The following TMEFF2 variants were observed in gnomAD, a reference collection of about 807,000 sequenced individuals.
The protein encoded by TMEFF2 is tomoregulin-2.
A neutral mutation model predicts 53.8 loss-of-function variants in TMEFF2; 28 were observed. The ratio of observed to expected loss-of-function variants is 0.52; its 90% CI spans 0.39 to 0.71. The LOEUF is 0.71. Among genes scored for constraint, TMEFF2 ranks in the 30% least tolerant of loss-of-function variants. The probability of loss-of-function intolerance (pLI) is 0.00; values close to 1 mark genes in which losing one functional copy is unlikely to be tolerated. For missense variants in TMEFF2, 353 were observed against 455.2 expected, an observed-to-expected ratio of 0.78 and a Z score of 2.04; for synonymous variants, 162 against 166.3, an observed-to-expected ratio of 0.97 and a Z score of 0.20.
chr2:191,955,651 A>G (rs1435227037), intron 8 of TMEFF2, among the ~76,000 whole-genome samples: 3 of 148,372 alleles, frequency 2.0e-5, no homozygotes, highest in South Asian at 2.1e-4. Context: ...ATGCCTGGCC[A>G]GTATTTATAT....
At chr2:192,015,391 T>C (rs1191563249) in intron 5 of TMEFF2, among the ~76,000 whole-genome samples, 1 of 147,176 alleles carries the variant, frequency 6.8e-6, no homozygotes, top group Non-Finnish European at 1.5e-5. Context: ...CCAAACTTGG[T>C]CCATTCAGCT....
At chr2:192,081,860 G>A (rs1286735289) in intron 4 of TMEFF2, among the ~76,000 whole-genome samples, 3 of 147,080 alleles carry the variant, frequency 2.0e-5, no homozygotes, top group Non-Finnish European at 4.4e-5. Flanking sequence ...GGAGTGCAGT[G>A]GCGCGATCTC....
intron 4 of TMEFF2, among the ~76,000 whole-genome samples, chr2:192,118,544 T>C (rs1039374137): frequency 6.6e-6 from 1 of 152,164 alleles, no homozygotes; most frequent in Non-Finnish European, 1.5e-5. Context: ...TGATGTGAAG[T>C]GTACAGTAAA....
chr2:192,164,226 T>G (rs1437056582), intron 4 of TMEFF2, among the ~76,000 whole-genome samples: 1 of 152,182 alleles, frequency 6.6e-6, no homozygotes, highest in Non-Finnish European at 1.5e-5. Context: ...GCTCATTCAC[T>G]ATGCTCGGGC....
intron 4 of TMEFF2, among the ~76,000 whole-genome samples, chr2:192,146,702 T>C (rs989556497): frequency 1.4e-5 from 2 of 141,512 alleles, no homozygotes; most frequent in Non-Finnish European, 3.2e-5. Flanking sequence ...CTAACAACTC[T>C]TTTAAATCTA....
chr2:192,053,354 A>G (rs554590272), intron 5 of TMEFF2, among the ~76,000 whole-genome samples: 1 of 152,324 alleles, frequency 6.6e-6, no homozygotes, highest in South Asian at 2.1e-4. Flanking sequence ...TTATTCTAAT[A>G]AAGATTTATC....
At chr2:191,985,278 G>C (rs1372547541) in intron 7 of TMEFF2, among the ~76,000 whole-genome samples, 3 of 152,028 alleles carry the variant, frequency 2.0e-5, no homozygotes, top group African/African-American at 7.2e-5. Flanking sequence ...TTAGGAGCTA[G>C]GTATAGAATT....
intron 4 of TMEFF2, among the ~76,000 whole-genome samples, chr2:192,078,891 A>G (rs1041515578): frequency 2.0e-5 from 3 of 152,198 alleles, no homozygotes; most frequent in Admixed American, 6.5e-5. Context: ...TATTAAATCA[A>G]TATTTCTTTG....
intron 5 of TMEFF2, among the ~76,000 whole-genome samples, chr2:192,004,675 TTATCA>T (rs1686456295): frequency 6.6e-6 from 1 of 152,162 alleles, no homozygotes; most frequent in African/African-American, 2.4e-5. Context: ...AAGGTAGCAA[TTATCA>T]TATAATGTAA....
chr2:192,053,173 T>C (rs973616355), intron 5 of TMEFF2, among the ~76,000 whole-genome samples: 1 of 152,220 alleles, frequency 6.6e-6, no homozygotes, highest in Admixed American at 6.5e-5. Flanking sequence ...GTCATTAGTA[T>C]CATAGTTTGT....
intron 4 of TMEFF2, among the ~76,000 whole-genome samples, chr2:192,086,440 T>C (rs187643694): frequency 1.9e-3 from 290 of 152,322 alleles, no homozygotes; most frequent in South Asian, 9.1e-3. Flanking sequence ...TCCCTGATTA[T>C]GGAAATTGCT....
At chr2:191,964,366 TTCTTTC>T (rs1164619381) in intron 7 of TMEFF2, among the ~76,000 whole-genome samples, 54 of 89,752 alleles carry the variant, frequency 6.0e-4, no homozygotes, top group African/African-American at 1.6e-3. Context: ...CTTTCTTTCT[TTCTTTC>T]TCTTTCTTTC....
intron 4 of TMEFF2, among the ~76,000 whole-genome samples, chr2:192,105,337 T>C (rs910988920): frequency 6.6e-6 from 1 of 152,008 alleles, no homozygotes; most frequent in Non-Finnish European, 1.5e-5. Flanking sequence ...AGCATATCTA[T>C]CAAGTAATGA....
intron 7 of TMEFF2, among the ~76,000 whole-genome samples, chr2:191,984,368 A>T (rs1212906730): frequency 6.6e-6 from 1 of 152,132 alleles, no homozygotes; most frequent in Non-Finnish European, 1.5e-5. Flanking sequence ...GAACCCCAGT[A>T]ACTACATTGG....
intron 4 of TMEFF2, among the ~76,000 whole-genome samples, chr2:192,078,499 G>A (rs925552360): frequency 1.4e-4 from 21 of 152,166 alleles, no homozygotes; most frequent in African/African-American, 4.3e-4. Flanking sequence ...CAGCAATAGA[G>A]AGTAAGAATT....
intron 4 of TMEFF2, among the ~76,000 whole-genome samples, chr2:192,100,781 A>G (rs541970890): frequency 1.3e-5 from 2 of 152,310 alleles, no homozygotes; most frequent in East Asian, 3.9e-4. Context: ...GAAATTTCCA[A>G]GCATCCAGAA....
intron 4 of TMEFF2, among the ~76,000 whole-genome samples, chr2:192,064,815 A>G (rs890184179): frequency 3.3e-5 from 5 of 151,846 alleles, no homozygotes; most frequent in African/African-American, 1.2e-4. Context: ...GACACATTCC[A>G]AAATATGGGC....
At chr2:192,181,893 C>A (rs1032006587) in intron 3 of TMEFF2, among the ~76,000 whole-genome samples, 5 of 151,682 alleles carry the variant, frequency 3.3e-5, no homozygotes, top group Non-Finnish European at 5.9e-5. Flanking sequence ...ATTATGAAAT[C>A]ATTATGGGAG....
chr2:191,971,763 TTC>T (rs200554846), intron 7 of TMEFF2, among the ~76,000 whole-genome samples: 1 of 152,170 alleles, frequency 6.6e-6, no homozygotes, highest in African/African-American at 2.4e-5. Context: ...AATAGACAGT[TTC>T]TCTCTGGAAG....
Sources: gnomAD v4.1 joint callset for allele counts (sites outside exome capture counted in the v4.1 genomes callset) on GRCh38, gnomAD v4.1.1 for gene constraint, MANE v1.5 for transcripts, NCBI Gene and HGNC (gene_info 2026-07-23, HGNC 2026-07-21) for gene names.